The following MAF variants were observed in gnomAD, a reference collection of about 807,000 sequenced individuals.
The protein encoded by MAF is MAF bZIP transcription factor, also known as transcription factor Maf.
Under a neutral mutation model 22.0 loss-of-function variants are expected in MAF, and 10 were observed. The observed-to-expected ratio is 0.45, with a 90% CI of 0.28 to 0.77. The LOEUF (loss-of-function observed/expected upper bound fraction) is 0.77. Among genes scored for constraint, MAF ranks in the 30% least tolerant of loss-of-function variants. The pLI, the probability that MAF is intolerant of heterozygous loss-of-function variation, is 0.12. For synonymous variants in MAF, 337 were observed against 255.8 expected, an observed-to-expected ratio of 1.32 and a Z score of -3.03; for missense variants, 544 against 548.4, an observed-to-expected ratio of 0.99 and a Z score of 0.08.
chr16:79,218,250 G>T, the MAF span, among the ~76,000 whole-genome samples: 33 of 131,990 alleles, frequency 2.5e-4, no homozygotes, highest in Non-Finnish European at 4.9e-4. Flanking sequence ...CCCCCTCAAA[G>T]TCATCTTATT....
the MAF span, among the ~76,000 whole-genome samples, chr16:79,394,552 G>T: frequency 6.6e-6 from 1 of 152,144 alleles, no homozygotes; most frequent in Admixed American, 6.5e-5. Flanking sequence ...CCAACTTGAG[G>T]GGTATCCCAT....
the MAF span, among the ~76,000 whole-genome samples, chr16:79,281,537 C>A: frequency 7.1e-6 from 1 of 141,534 alleles, no homozygotes; most frequent in Non-Finnish European, 1.5e-5. Flanking sequence ...AAAGCTCACT[C>A]TTTGAAGACT....
chr16:79,234,141 T>C, the MAF span, among the ~76,000 whole-genome samples: 1 of 152,094 alleles, frequency 6.6e-6, no homozygotes, highest in African/African-American at 2.4e-5. Flanking sequence ...AAGGTGCCAG[T>C]GGCCCTTTTC....
downstream of MAF, among the ~76,000 whole-genome samples, chr16:79,582,277 G>T (rs1006414495): frequency 6.6e-6 from 1 of 152,200 alleles, no homozygotes; most frequent in Non-Finnish European, 1.5e-5. Context: ...ATCTGTGAAC[G>T]GCGGCAGTAA....
chr16:79,213,073 G>C, the MAF span, among the ~76,000 whole-genome samples: 12 of 152,192 alleles, frequency 7.9e-5, no homozygotes, highest in Non-Finnish European at 1.3e-4. Flanking sequence ...GAGCTGTGCA[G>C]AAGCTCTTAT....
the MAF span, among the ~76,000 whole-genome samples, chr16:79,456,762 G>A: frequency 6.6e-6 from 1 of 152,178 alleles, no homozygotes; most frequent in Non-Finnish European, 1.5e-5. Flanking sequence ...CTCAAGTTCT[G>A]CCTCTCAGTG....
chr16:79,473,176 G>T, the MAF span, among the ~76,000 whole-genome samples: 8 of 152,120 alleles, frequency 5.3e-5, no homozygotes, highest in African/African-American at 1.9e-4. Flanking sequence ...ACACATCGTG[G>T]GAGGAACAGC....
At chr16:79,482,347 T>C in the MAF span, among the ~76,000 whole-genome samples, 2,930 of 152,268 alleles carry the variant, frequency 0.019, 103 homozygotes, top group African/African-American at 0.067. Flanking sequence ...CTCTCCAGTG[T>C]TCCAGGAGAA....
the MAF span, among the ~76,000 whole-genome samples, chr16:79,210,815 C>G: frequency 6.6e-6 from 1 of 152,072 alleles, no homozygotes; most frequent in South Asian, 2.1e-4. Context: ...TGCACACGTC[C>G]CTAGCCACAG....
the MAF span, among the ~76,000 whole-genome samples, chr16:79,439,257 CTTT>C: frequency 1.5e-5 from 2 of 130,798 alleles, no homozygotes; most frequent in Non-Finnish European, 1.6e-5. Flanking sequence ...TAGGTACTTA[CTTT>C]TTTTTTTTTT....
the MAF span, among the ~76,000 whole-genome samples, chr16:79,465,655 T>A: frequency 1.3e-5 from 2 of 152,042 alleles, no homozygotes; most frequent in Non-Finnish European, 2.9e-5. Flanking sequence ...AAACACATAT[T>A]ATTATTTTTT....
chr16:79,233,737 T>C, the MAF span, among the ~76,000 whole-genome samples: 109 of 152,192 alleles, frequency 7.2e-4, no homozygotes, highest in African/African-American at 2.4e-3. Context: ...CTCATGCCTG[T>C]AATCCCAGTA....
chr16:79,393,303 G>C, the MAF span, among the ~76,000 whole-genome samples: 1 of 152,192 alleles, frequency 6.6e-6, no homozygotes, highest in African/African-American at 2.4e-5. Context: ...CTATTCCCTT[G>C]CAGGGTGGGT....
chr16:79,399,160 C>A, the MAF span, among the ~76,000 whole-genome samples: 1 of 152,148 alleles, frequency 6.6e-6, no homozygotes. Flanking sequence ...CCTACTCTAG[C>A]CTTGAGTAAT....
At chr16:79,297,429 C>T in the MAF span, among the ~76,000 whole-genome samples, 21 of 152,156 alleles carry the variant, frequency 1.4e-4, no homozygotes, top group Admixed American at 3.9e-4. Flanking sequence ...GAAGTGCACA[C>T]GCCTTGGAGG....
the MAF span, among the ~76,000 whole-genome samples, chr16:79,259,469 TA>T: frequency 4.3e-4 from 65 of 152,272 alleles, no homozygotes; most frequent in African/African-American, 1.6e-3. Context: ...GATTACTGTC[TA>T]CTCCCCCACC....
chr16:79,473,298 C>G, the MAF span, among the ~76,000 whole-genome samples: 1 of 152,114 alleles, frequency 6.6e-6, no homozygotes, highest in East Asian at 1.9e-4. Context: ...TCTCAAGATG[C>G]CAAAATCCAC....
At chr16:79,486,319 G>C in the MAF span, among the ~76,000 whole-genome samples, 1 of 152,086 alleles carries the variant, frequency 6.6e-6, no homozygotes, top group Non-Finnish European at 1.5e-5. Context: ...TTTCAAAATG[G>C]TTATTTTCAC....
At chr16:79,569,492 T>C in the MAF span, among the ~76,000 whole-genome samples, 50 of 152,340 alleles carry the variant, frequency 3.3e-4, no homozygotes, top group African/African-American at 1.2e-3. Context: ...TCTCAAGTGC[T>C]CAAATGTGGT....
Sources: allele counts gnomAD v4.1 joint callset (sites outside exome capture counted in the v4.1 genomes callset), GRCh38; gene constraint gnomAD v4.1.1; transcripts MANE v1.5; gene names NCBI Gene and HGNC (gene_info 2026-07-23, HGNC 2026-07-21).